Variants in SMYD3 observed in about 807,000 individuals in gnomAD.
The protein encoded by SMYD3 is SET and MYND domain containing 3, also known as histone-lysine N-methyltransferase SMYD3.
SMYD3 carries 36 observed loss-of-function variants against 57.7 expected under a neutral mutation model. The observed-to-expected ratio is 0.62, with a 90% CI of 0.48 to 0.82. SMYD3 has a LOEUF of 0.82. SMYD3 is among the 40% of genes least tolerant of loss of function. The pLI is 0.00. For synonymous variants in SMYD3, 211 were observed against 195.0 expected, an observed-to-expected ratio of 1.08 and a Z score of -0.68; for missense variants, 515 against 538.8, an observed-to-expected ratio of 0.96 and a Z score of 0.44.
intron 2 of SMYD3, among the ~76,000 whole-genome samples, chr1:246,337,713 G>C (rs1032755122): frequency 6.6e-6 from 1 of 152,186 alleles, no homozygotes; most frequent in Non-Finnish European, 1.5e-5. Context: ...GAGATAATTT[G>C]AGGCAAAAGA....
chr1:246,294,348 T>G (rs545561704), intron 5 of SMYD3, among the ~76,000 whole-genome samples: 61 of 152,344 alleles, frequency 4.0e-4, no homozygotes, highest in Non-Finnish European at 7.8e-4. Context: ...AATTCTAATT[T>G]CTTGACCAGA....
At chr1:246,258,691 A>C (rs10924644) in intron 5 of SMYD3, among the ~76,000 whole-genome samples, 31,562 of 152,084 alleles carry the variant, frequency 0.21, 3,981 homozygotes, top group East Asian at 0.58. Context: ...TGGTGACTAT[A>C]TGACTTAGTG....
At chr1:245,951,737 T>G (rs2057660072) in intron 5 of SMYD3, among the ~76,000 whole-genome samples, 4 of 151,936 alleles carry the variant, frequency 2.6e-5, no homozygotes, top group Non-Finnish European at 5.9e-5. Flanking sequence ...GTCTCAACTT[T>G]CTCATGTGTG....
intron 5 of SMYD3, among the ~76,000 whole-genome samples, chr1:246,192,538 G>A (rs1356924659): frequency 3.3e-5 from 5 of 152,190 alleles, no homozygotes; most frequent in Non-Finnish European, 1.5e-5. Context: ...TTACAGGCGT[G>A]AGCCACTGTG....
intron 8 of SMYD3, among the ~76,000 whole-genome samples, chr1:245,894,971 C>A (rs1408388215): frequency 6.6e-6 from 1 of 152,234 alleles, no homozygotes; most frequent in African/African-American, 2.4e-5. Flanking sequence ...TGCCTGTCCT[C>A]TGGGGAGAAG....
At chr1:246,208,810 A>C (rs942439387) in intron 5 of SMYD3, among the ~76,000 whole-genome samples, 1 of 152,138 alleles carries the variant, frequency 6.6e-6, no homozygotes, top group Non-Finnish European at 1.5e-5. Flanking sequence ...ATGATCATTC[A>C]AGCTGAATCA....
At chr1:245,837,410 G>T (rs1417462999) in intron 10 of SMYD3, among the ~76,000 whole-genome samples, 1 of 151,982 alleles carries the variant, frequency 6.6e-6, no homozygotes, top group Non-Finnish European at 1.5e-5. Context: ...CTGGGCAAAG[G>T]GGCTAGAGCA....
At chr1:246,088,588 C>G (rs1202705886) in intron 5 of SMYD3, among the ~76,000 whole-genome samples, 13 of 91,870 alleles carry the variant, frequency 1.4e-4, no homozygotes, top group Non-Finnish European at 2.6e-4. Context: ...CCAGCCTGGG[C>G]GACAGGGCGA....
chr1:245,973,303 T>C (rs2058345764), intron 5 of SMYD3, among the ~76,000 whole-genome samples: 1 of 152,212 alleles, frequency 6.6e-6, no homozygotes, highest in African/African-American at 2.4e-5. Flanking sequence ...GGAAAGCTTA[T>C]AGACACAGCA....
intron 1 of SMYD3, among the ~76,000 whole-genome samples, chr1:246,474,519 C>CAAAAAAAAAAAAAAAAAAAAAAAAAA (rs35626265): frequency 1.3e-5 from 1 of 78,832 alleles, no homozygotes; most frequent in African/African-American, 4.6e-5. Flanking sequence ...ACTCCCCTCT[C>CAAAAAAAAAAAAAAAAAAAAAAAAAA]AAAAAAAAAA....
intron 5 of SMYD3, among the ~76,000 whole-genome samples, chr1:246,199,259 C>G (rs368976375): frequency 1.1e-4 from 17 of 152,324 alleles, no homozygotes; most frequent in Non-Finnish European, 2.2e-4. Flanking sequence ...CTATGCTCCA[C>G]GTCTGCTACT....
intron 10 of SMYD3, among the ~76,000 whole-genome samples, chr1:245,841,393 T>G (rs898329917): frequency 6.6e-6 from 1 of 152,218 alleles, no homozygotes; most frequent in Non-Finnish European, 1.5e-5. Context: ...ATTTTTAACT[T>G]TGCTTAAAAT....
chr1:246,270,118 G>A (rs2064193174), intron 5 of SMYD3, among the ~76,000 whole-genome samples: 1 of 133,812 alleles, frequency 7.5e-6, no homozygotes, highest in Non-Finnish European at 1.6e-5. Flanking sequence ...ATCCCTGAAA[G>A]AACTGGACAT....
intron 5 of SMYD3, among the ~76,000 whole-genome samples, chr1:246,157,636 T>C (rs547592440): frequency 6.8e-4 from 56 of 82,046 alleles, no homozygotes; most frequent in Non-Finnish European, 1.2e-3. Flanking sequence ...GCCACAACAA[T>C]AAGCTTTGTC....
At position 245,831,247 on chromosome 1, in the gene SMYD3, C is replaced by T. The variant is rs559760393; in HGVS notation, c.1076+27249G>A. On this transcript the variant is annotated intron_variant, in intron 10 of 11. Coordinates refer to ENST00000490107, the MANE Select transcript of SMYD3 (RefSeq NM_001167740.2). ...ACAGAGGTACACAAAAGGCCTCAAA[C>T]GATGAGCTGGCTAAAATGTAGCTGC... 1.1e-3 allele frequency among the ~76,000 whole-genome samples: 167 copies of T among 152,278 alleles called. 1 individual carries two copies. Among genetic ancestry groups the T allele is most frequent in the Non-Finnish European group, 2.1e-3 (144 of 68,030 alleles).
At chr1:245,943,516 G>A (rs757685086) in intron 5 of SMYD3, among the ~76,000 whole-genome samples, 1 of 152,134 alleles carries the variant, frequency 6.6e-6, no homozygotes, top group Non-Finnish European at 1.5e-5. Context: ...AAGCAGCCTA[G>A]GACCAGACAT....
At chr1:246,120,065 G>C (rs1250309392) in intron 5 of SMYD3, among the ~76,000 whole-genome samples, 1 of 152,160 alleles carries the variant, frequency 6.6e-6, no homozygotes, top group Admixed American at 6.6e-5. Flanking sequence ...AGTGTGATTG[G>C]ACAATGGGAA....
At chr1:245,961,624 T>C (rs912581239) in intron 5 of SMYD3, among the ~76,000 whole-genome samples, 1 of 152,204 alleles carries the variant, frequency 6.6e-6, no homozygotes, top group African/African-American at 2.4e-5. Context: ...AATTCCATTT[T>C]TTTTCCCCAC....
At chr1:245,783,315 T>C (rs1476746505) in intron 10 of SMYD3, among the ~76,000 whole-genome samples, 1 of 152,110 alleles carries the variant, frequency 6.6e-6, no homozygotes, top group Non-Finnish European at 1.5e-5. Flanking sequence ...CAGTTCCCAA[T>C]AGATAAAAAT....
Sources: allele counts gnomAD v4.1 joint callset (sites outside exome capture counted in the v4.1 genomes callset), GRCh38; gene constraint gnomAD v4.1.1; transcripts MANE v1.5; gene names NCBI Gene and HGNC (gene_info 2026-07-23, HGNC 2026-07-21).